Variants in L2HGDH observed in about 807,000 individuals in gnomAD.
The protein encoded by L2HGDH is L-2-hydroxyglutarate dehydrogenase.
In L2HGDH, 34 loss-of-function variants were observed where a neutral mutation model predicts 51.5. The ratio of observed to expected loss-of-function variants is 0.66; its 90% confidence interval spans 0.50 to 0.88. The LOEUF is 0.88. L2HGDH is among the 40% of genes least tolerant of loss of function. The pLI is 0.00. For missense variants in L2HGDH, 558 were observed against 571.9 expected (o/e 0.98, Z 0.25); for synonymous variants, 198 against 197.9 (o/e 1.00, Z -0.01).
At chr14:50,311,882 G>T in intron 1 of L2HGDH, 129 bp downstream of exon 1, 1 of 1,261,754 alleles carries the variant, frequency 7.9e-7, no homozygotes, top group Non-Finnish European at 1.1e-6. Flanking sequence ...TCCGAGGTTG[G>T]AGTGCCACAG....
At position 50,242,760 on chromosome 14, in the gene L2HGDH, C is replaced by CTTTACGATTACAACTCAAAAATG; in HGVS notation, c.*4275_*4297dup. 1 of 985,424 alleles carries CTTTACGATTACAACTCAAAAATG rather than the reference C, an allele frequency of 1.0e-6. No individual in the cohort carries two copies. 61.0% of individuals were successfully genotyped at this position (985,424 alleles called of 1,614,324 possible). On this transcript the variant is annotated 3_prime_UTR_variant, in exon 10 of 10. Coordinates refer to ENST00000267436, the MANE Select transcript of L2HGDH (RefSeq NM_024884.3). ...TGTGTTAGAAAAGCTTAGAAACTGACTTTACGATTACAACTCAAAAATGTT... is the reference window on the plus strand; with the variant it reads ...TGTGTTAGAAAAGCTTAGAAACTGACTTTACGATTACAACTCAAAAATGTTTACGATTACAACTCAAAAATGTT...
chr14:50,305,994 G>A (rs2030699098), intron 1 of L2HGDH, among the ~76,000 whole-genome samples: 1 of 150,556 alleles, frequency 6.6e-6, no homozygotes, highest in African/African-American at 2.4e-5. Context: ...ATCCATAGTT[G>A]GTTGAATCTG....
intron 3 of L2HGDH, 141 bp from the exon 4 acceptor site, chr14:50,294,387 T>A: frequency 2.6e-6 from 2 of 758,738 alleles, no homozygotes; most frequent in Non-Finnish European, 4.1e-6. Flanking sequence ...TTCACATATC[T>A]AATTCTTCCT....
intron 9 of L2HGDH, among the ~76,000 whole-genome samples, chr14:50,251,313 C>G (rs1888335870): frequency 6.6e-6 from 1 of 151,978 alleles, no homozygotes; most frequent in South Asian, 2.1e-4. Context: ...TTTGAAAATA[C>G]ATAGTCAGAT....
rs34552494 is a variant in L2HGDH at position 50,277,774 on chromosome 14, AAATAATAATAATAATAATAAT to A, written c.738+725_738+745del. ...GGCGACACAGTGAGACTCCGTCTCAAAATAATAATAATAATAATAATAATAATAATAATAATAATAATAATA... is the reference window on the plus strand; with the variant it reads ...GGCGACACAGTGAGACTCCGTCTCAAAATAATAATAATAATAATAATAATA... On this transcript the variant is annotated intron_variant, in intron 6 of 9. Transcript: ENST00000267436. Among the ~76,000 whole-genome samples the A allele has an allele frequency of 4.1e-3, 554 of 133,514 alleles. 1 individual carries two copies. The highest frequency in any genetic ancestry group is 0.013 in the African/African-American group (473 of 35,676). 87.6% of individuals were successfully genotyped at this position (133,514 alleles called of 152,430 possible). A position where few individuals can be genotyped will look rare whatever the true frequency, so the allele number is the denominator to read the frequency against.
chr14:50,290,278 C>A (rs1008257740), intron 4 of L2HGDH, among the ~76,000 whole-genome samples: 4 of 151,356 alleles, frequency 2.6e-5, no homozygotes, highest in African/African-American at 7.3e-5. Context: ...TAAAAAAAAA[C>A]AAAAACAAAC....
chr14:50,303,852 G>A (rs143789598), intron 1 of L2HGDH, among the ~76,000 whole-genome samples: 4 of 146,220 alleles, frequency 2.7e-5, no homozygotes, highest in South Asian at 2.2e-4. Context: ...ACGCATCACT[G>A]GTCAGTAGTA....
chr14:50,286,423 G>T (rs1831128546), intron 4 of L2HGDH, among the ~76,000 whole-genome samples: 1 of 152,078 alleles, frequency 6.6e-6, no homozygotes, highest in African/African-American at 2.4e-5. Flanking sequence ...TTTTCCAAGG[G>T]CCTCTCCCCG....
At chr14:50,253,942 G>A (rs554572852) in intron 9 of L2HGDH, among the ~76,000 whole-genome samples, 3 of 152,160 alleles carry the variant, frequency 2.0e-5, no homozygotes, top group South Asian at 2.1e-4. Flanking sequence ...AATATCATCC[G>A]TTCATACTTA....
At chr14:50,290,631 T>C (rs1890822342) in intron 4 of L2HGDH, among the ~76,000 whole-genome samples, 1 of 152,188 alleles carries the variant, frequency 6.6e-6, no homozygotes. Context: ...GCGGTTGTAT[T>C]TCAATAAAAC....
intron 3 of L2HGDH, among the ~76,000 whole-genome samples, chr14:50,298,937 G>C (rs143676659): frequency 9.9e-5 from 15 of 152,036 alleles, no homozygotes; most frequent in African/African-American, 3.6e-4. Context: ...AGAAAAGCAA[G>C]AGCACACCAA....
chr14:50,259,046 C>T (rs1888841594), intron 9 of L2HGDH, among the ~76,000 whole-genome samples: 1 of 140,090 alleles, frequency 7.1e-6, no homozygotes, highest in African/African-American at 2.7e-5. Flanking sequence ...TTACTAGAGA[C>T]AAGGTCTCAT....
intron 1 of L2HGDH, among the ~76,000 whole-genome samples, chr14:50,303,685 G>C (rs565839287): frequency 6.7e-6 from 1 of 150,312 alleles, no homozygotes; most frequent in African/African-American, 2.5e-5. Flanking sequence ...GCTAAGGCTG[G>C]AGAATCGCTT....
Position 50,245,758 on chromosome 14 carries a change from T to C in L2HGDH, c.*1300A>G, listed in dbSNP as rs1298512131. On this transcript the variant is annotated 3_prime_UTR_variant, in exon 10 of 10. Coordinates refer to ENST00000267436, the MANE Select transcript of L2HGDH (RefSeq NM_024884.3). ...GGAAATAATCTATTTTTATGCCATCTTTCTCCAAAACTCTTAAAAAGCCAA... is the reference window on the plus strand; with the variant it reads ...GGAAATAATCTATTTTTATGCCATCCTTCTCCAAAACTCTTAAAAAGCCAA... 5.1e-6 allele frequency: 5 copies of C among 985,212 alleles called. 1 individual carries two copies. The South Asian group carries it at 2.3e-4, about 46-fold the overall frequency. The allele number at this position is 985,212 out of a possible 1,614,324, so 61.0% of individuals were successfully genotyped here.
intron 1 of L2HGDH, among the ~76,000 whole-genome samples, chr14:50,311,059 G>A (rs1364502993): frequency 6.7e-6 from 1 of 148,812 alleles, no homozygotes. Context: ...TTCTCCTAAG[G>A]CTCCGGAGTA....
chr14:50,250,263 C>G, intron 9 of L2HGDH, among the ~76,000 whole-genome samples: 1 of 152,178 alleles, frequency 6.6e-6, no homozygotes, highest in Non-Finnish European at 1.5e-5. Flanking sequence ...AGCCCACTGC[C>G]CTGAAGGGTA....
intron 6 of L2HGDH, among the ~76,000 whole-genome samples, chr14:50,273,292 T>C (rs1258092879): frequency 1.3e-5 from 2 of 152,182 alleles, no homozygotes; most frequent in Admixed American, 1.3e-4. Flanking sequence ...TGGATGTTAG[T>C]TAGCCTCTTT....
At chr14:50,291,212 AAAAAAAAAAAAAC>A (rs1670314707) in intron 4 of L2HGDH, among the ~76,000 whole-genome samples, 2 of 151,200 alleles carry the variant, frequency 1.3e-5, no homozygotes, top group African/African-American at 2.4e-5. Flanking sequence ...AAAAAAAAAA[AAAAAAAAAAAAAC>A]AAACAAAAAA....
At chr14:50,293,393 A>G (rs1385022397) in intron 4 of L2HGDH, 3 of 601,186 alleles carry the variant, frequency 5.0e-6, no homozygotes, top group Non-Finnish European at 8.9e-6. Flanking sequence ...AAACTTTTAG[A>G]AAAACACATA....
Sources: gnomAD v4.1 joint callset for allele counts (sites outside exome capture counted in the v4.1 genomes callset) on GRCh38, gnomAD v4.1.1 for gene constraint, MANE v1.5 for transcripts, NCBI Gene and HGNC (gene_info 2026-07-23, HGNC 2026-07-21) for gene names.